Variants in PDE8B observed in about 807,000 individuals in gnomAD.
The protein encoded by PDE8B is phosphodiesterase 8B, also known as high affinity cAMP-specific and IBMX-insensitive 3',5'-cyclic phosphodiesterase 8B.
Under a neutral mutation model 101.3 loss-of-function variants are expected in PDE8B, and 26 were observed. The observed-to-expected ratio is 0.26, with a 90% CI of 0.19 to 0.36. The LOEUF (loss-of-function observed/expected upper bound fraction) is 0.36. Among genes scored for constraint, PDE8B ranks in the 10% least tolerant of loss-of-function variants. The pLI, the probability that PDE8B is intolerant of heterozygous loss-of-function variation, is 1.00. For synonymous variants in PDE8B, 424 were observed against 429.3 expected (o/e 0.99, Z 0.15); for missense variants, 810 against 1,163.1 (o/e 0.70, Z 4.42).
intron 11 of PDE8B, among the ~76,000 whole-genome samples, chr5:77,400,678 A>G (rs184854480): frequency 2.0e-4 from 31 of 152,216 alleles, no homozygotes; most frequent in Admixed American, 1.5e-3. Flanking sequence ...CTAATTGGTG[A>G]CTGTACAGTT....
At chr5:77,300,793 T>C (rs1561492363) in intron 1 of PDE8B, among the ~76,000 whole-genome samples, 1 of 152,234 alleles carries the variant, frequency 6.6e-6, no homozygotes, top group East Asian at 1.9e-4. Flanking sequence ...GAGGTTTTAA[T>C]TGTGTAGTGT....
At chr5:77,382,986 G>T (rs1787805429) in intron 10 of PDE8B, among the ~76,000 whole-genome samples, 1 of 152,224 alleles carries the variant, frequency 6.6e-6, no homozygotes, top group South Asian at 2.1e-4. Context: ...TGATATTTCT[G>T]GTTCTAGATC....
At chr5:77,346,332 C>G (rs1048960552) in intron 7 of PDE8B, among the ~76,000 whole-genome samples, 2 of 152,216 alleles carry the variant, frequency 1.3e-5, no homozygotes, top group Non-Finnish European at 2.9e-5. Flanking sequence ...ACATCTCCCC[C>G]ACTTATACCC....
intron 10 of PDE8B, among the ~76,000 whole-genome samples, chr5:77,382,630 T>C (rs1449980354): frequency 2.8e-5 from 4 of 143,626 alleles, no homozygotes; most frequent in African/African-American, 1.0e-4. Flanking sequence ...GATGTTCCCC[T>C]CACTGTGTCC....
the PDE8B span, among the ~76,000 whole-genome samples, chr5:77,188,971 G>C: frequency 1.3e-5 from 2 of 152,306 alleles, no homozygotes; most frequent in Admixed American, 1.3e-4. Flanking sequence ...CAAACACCTA[G>C]ATGGCCTCTT....
At chr5:77,406,460 AG>A (rs1793470049) in intron 12 of PDE8B, among the ~76,000 whole-genome samples, 1 of 152,198 alleles carries the variant, frequency 6.6e-6, no homozygotes, top group Non-Finnish European at 1.5e-5. Flanking sequence ...TTAGTCTGAG[AG>A]GATAAGGGAT....
At chr5:77,173,921 T>A in the PDE8B span, among the ~76,000 whole-genome samples, 3 of 152,184 alleles carry the variant, frequency 2.0e-5, no homozygotes, top group Non-Finnish European at 4.4e-5. Context: ...TGACTTTTGA[T>A]GAATTTCTTT....
chr5:77,392,718 C>T (rs1790190276), intron 10 of PDE8B, among the ~76,000 whole-genome samples: 11 of 152,174 alleles, frequency 7.2e-5, no homozygotes, highest in Admixed American at 7.2e-4. Context: ...CACTCTTCCT[C>T]TTCTATGATG....
At chr5:77,291,739 G>A (rs1286164938) in intron 1 of PDE8B, 8 of 1,589,316 alleles carry the variant, frequency 5.0e-6, no homozygotes, top group Non-Finnish European at 6.0e-6. Flanking sequence ...TACATGAGAA[G>A]GTCTACTTGT....
the PDE8B span, among the ~76,000 whole-genome samples, chr5:77,168,524 A>G: frequency 1.1e-4 from 17 of 152,346 alleles, 1 homozygote; most frequent in Admixed American, 2.0e-4. Context: ...CCTCTGAGGC[A>G]GGGCAGATTC....
chr5:77,372,506 T>G (rs1030873238), intron 10 of PDE8B, among the ~76,000 whole-genome samples: 1 of 152,210 alleles, frequency 6.6e-6, no homozygotes, highest in South Asian at 2.1e-4. Flanking sequence ...GTGTTATCAC[T>G]TCCTTAAATG....
At chr5:77,402,278 CTT>C (rs957127468) in intron 11 of PDE8B, among the ~76,000 whole-genome samples, 7 of 151,282 alleles carry the variant, frequency 4.6e-5, no homozygotes, top group African/African-American at 1.7e-4. Flanking sequence ...TATATAGAAA[CTT>C]ATATGCAAGG....
At chr5:77,150,301 C>A in the PDE8B span, among the ~76,000 whole-genome samples, 1 of 152,196 alleles carries the variant, frequency 6.6e-6, no homozygotes. Context: ...CCAGCTCCCC[C>A]ATCCTGCAGG....
At chr5:77,131,995 G>A in the PDE8B span, among the ~76,000 whole-genome samples, 3 of 151,820 alleles carry the variant, frequency 2.0e-5, no homozygotes, top group East Asian at 1.9e-4. Flanking sequence ...CATCAAACAC[G>A]GTGCATAATT....
intron 10 of PDE8B, among the ~76,000 whole-genome samples, chr5:77,375,896 T>C (rs1786009596): frequency 1.4e-5 from 2 of 143,812 alleles, no homozygotes; most frequent in South Asian, 4.6e-4. Context: ...TTTCTTTTTT[T>C]TTTTTTTTTT....
intron 1 of PDE8B, among the ~76,000 whole-genome samples, chr5:77,276,340 CA>C (rs1763845162): frequency 6.6e-6 from 1 of 152,218 alleles, no homozygotes; most frequent in Non-Finnish European, 1.5e-5. Context: ...TGGCTCAGCT[CA>C]AAGGCCTCTA....
At chr5:77,142,068 T>C in the PDE8B span, 1 of 152,174 alleles carries the variant, frequency 6.6e-6, no homozygotes, top group Non-Finnish European at 1.5e-5. Flanking sequence ...AAATAATACA[T>C]TATATTAAGA....
chr5:77,282,746 C>T (rs1765268585), intron 1 of PDE8B, among the ~76,000 whole-genome samples: 1 of 152,092 alleles, frequency 6.6e-6, no homozygotes, highest in South Asian at 2.1e-4. Context: ...CCGGCACGCT[C>T]AGGAAAGTGT....
intron 9 of PDE8B, among the ~76,000 whole-genome samples, chr5:77,351,840 T>G (rs1781182826): frequency 6.6e-6 from 1 of 152,050 alleles, no homozygotes; most frequent in African/African-American, 2.4e-5. Flanking sequence ...AACACAACGT[T>G]GTGTGACATG....
Sources: allele counts gnomAD v4.1 joint callset (sites outside exome capture counted in the v4.1 genomes callset), GRCh38; gene constraint gnomAD v4.1.1; transcripts MANE v1.5; gene names NCBI Gene and HGNC (gene_info 2026-07-23, HGNC 2026-07-21).